Variants in SLC25A21 observed in about 807,000 individuals in gnomAD.
SLC25A21 encodes the protein solute carrier family 25 member 21.
A neutral mutation model predicts 43.8 loss-of-function variants in SLC25A21; 47 were observed. The ratio of observed to expected loss-of-function variants is 1.07; its 90% confidence interval spans 0.85 to 1.37. The LOEUF (loss-of-function observed/expected upper bound fraction) is 1.37, where lower values mean the gene tolerates loss of function less well. Ranked by LOEUF, SLC25A21 falls within the 40% of genes most tolerant of loss-of-function variation. The probability of loss-of-function intolerance (pLI) is 0.00; values close to 1 mark genes in which losing one functional copy is unlikely to be tolerated. For missense variants in SLC25A21, 352 were observed against 350.2 expected, an observed-to-expected ratio of 1.00 and a Z score of -0.04; for synonymous variants, 131 against 121.3, an observed-to-expected ratio of 1.08 and a Z score of -0.52.
chr14:37,051,147 T>C (rs1230019048), intron 1 of SLC25A21, among the ~76,000 whole-genome samples: 1 of 152,226 alleles, frequency 6.6e-6, no homozygotes, highest in Non-Finnish European at 1.5e-5. Context: ...TTGCCTATTG[T>C]TCACTGTTTT....
intron 6 of SLC25A21, among the ~76,000 whole-genome samples, chr14:36,714,779 A>G (rs1391590793): frequency 6.6e-6 from 1 of 152,238 alleles, no homozygotes; most frequent in East Asian, 1.9e-4. Context: ...CCTATTTGGC[A>G]GATAAGGAAA....
chr14:37,063,740 C>A (rs1962001005), intron 1 of SLC25A21, among the ~76,000 whole-genome samples: 1 of 152,094 alleles, frequency 6.6e-6, no homozygotes, highest in Admixed American at 6.5e-5. Flanking sequence ...AAAATCTCTC[C>A]CCAGAGAATT....
chr14:37,090,514 T>G (rs1962564607), intron 1 of SLC25A21, among the ~76,000 whole-genome samples: 1 of 152,196 alleles, frequency 6.6e-6, no homozygotes, highest in Non-Finnish European at 1.5e-5. Flanking sequence ...CAACGTGTTA[T>G]TTTTCACTAC....
intron 7 of SLC25A21, among the ~76,000 whole-genome samples, chr14:36,697,686 A>G (rs927840979): frequency 1.4e-5 from 2 of 147,390 alleles, no homozygotes; most frequent in Non-Finnish European, 1.5e-5. Context: ...GTCTCTTTTG[A>G]TCTTTGTTGG....
intron 1 of SLC25A21, chr14:37,171,899 G>A (rs1352885972): frequency 4.4e-6 from 1 of 228,312 alleles, no homozygotes; most frequent in Non-Finnish European, 8.5e-6. Flanking sequence ...CTTGAAGAAA[G>A]ACTCTACAAT....
At chr14:36,914,208 T>C (rs1363949228) in intron 1 of SLC25A21, among the ~76,000 whole-genome samples, 1 of 152,166 alleles carries the variant, frequency 6.6e-6, no homozygotes, top group East Asian at 1.9e-4. Context: ...CCCTTCTACC[T>C]AACTGGTTTT....
intron 2 of SLC25A21, among the ~76,000 whole-genome samples, chr14:36,825,894 C>T (rs1159901350): frequency 1.3e-5 from 2 of 152,192 alleles, no homozygotes; most frequent in Non-Finnish European, 2.9e-5. Context: ...CCCTCATTCT[C>T]ATGCAACGAA....
chr14:36,903,512 C>T (rs1229483476), intron 1 of SLC25A21, among the ~76,000 whole-genome samples: 3 of 144,622 alleles, frequency 2.1e-5, no homozygotes, highest in Non-Finnish European at 4.5e-5. Context: ...ACTCGGGAGG[C>T]TGAGGCAGGA....
chr14:36,964,744 T>A (rs1959574820), intron 1 of SLC25A21, among the ~76,000 whole-genome samples: 1 of 152,186 alleles, frequency 6.6e-6, no homozygotes, highest in Non-Finnish European at 1.5e-5. Flanking sequence ...CCAGTCCGTG[T>A]ACTCACCCAG....
At chr14:37,066,021 ATAATCT>A (rs1962053724) in intron 1 of SLC25A21, among the ~76,000 whole-genome samples, 2 of 152,312 alleles carry the variant, frequency 1.3e-5, no homozygotes, top group African/African-American at 2.4e-5. Flanking sequence ...GGATATTCGT[ATAATCT>A]TAAAGTGCGA....
At chr14:37,120,837 G>C (rs182230656) in intron 1 of SLC25A21, among the ~76,000 whole-genome samples, 13 of 152,218 alleles carry the variant, frequency 8.5e-5, no homozygotes, top group African/African-American at 3.1e-4. Flanking sequence ...TCAGTAAAAA[G>C]ACACATTCTG....
At chr14:37,103,135 G>C (rs1401327549) in intron 1 of SLC25A21, among the ~76,000 whole-genome samples, 1 of 152,166 alleles carries the variant, frequency 6.6e-6, no homozygotes, top group South Asian at 2.1e-4. Context: ...TGGAATGCAT[G>C]TTTAACGTGC....
chr14:37,037,920 T>A (rs1961363701), intron 1 of SLC25A21, among the ~76,000 whole-genome samples: 1 of 152,206 alleles, frequency 6.6e-6, no homozygotes, highest in South Asian at 2.1e-4. Flanking sequence ...AATGGTTCTG[T>A]ATGCTGCAGA....
intron 1 of SLC25A21, among the ~76,000 whole-genome samples, chr14:36,913,694 T>C (rs1038015075): frequency 6.6e-6 from 1 of 152,238 alleles, no homozygotes; most frequent in Non-Finnish European, 1.5e-5. Flanking sequence ...TGACAAATGA[T>C]ATGTTGTTAA....
At position 36,680,033 on chromosome 14, in the gene SLC25A21, A is replaced by G. The variant is rs553933901; in HGVS notation, c.*625T>C. The G allele has an allele frequency of 9.2e-6, 8 of 868,922 alleles. No homozygotes were observed. In the African/African-American group the frequency reaches 1.1e-4, roughly 12 times the overall value. The allele number at this position is 868,922 out of a possible 1,614,324, so 53.8% of individuals were successfully genotyped here. On this transcript the variant is annotated 3_prime_UTR_variant, in exon 10 of 10. Transcript: ENST00000331299. Reference sequence around the variant, plus strand: ...CTTACAGCAATATGAGATATAAAGTAGATGTAGGAAAATAGAGCTGATATG... The same window carrying G: ...CTTACAGCAATATGAGATATAAAGTGGATGTAGGAAAATAGAGCTGATATG...
intron 1 of SLC25A21, among the ~76,000 whole-genome samples, chr14:37,020,980 C>T (rs1960973429): frequency 6.6e-6 from 1 of 151,958 alleles, no homozygotes; most frequent in Non-Finnish European, 1.5e-5. Flanking sequence ...TAAAGGTATA[C>T]ATTTGTTAAG....
chr14:37,126,370 T>C (rs994748377), intron 1 of SLC25A21, among the ~76,000 whole-genome samples: 1 of 149,412 alleles, frequency 6.7e-6, no homozygotes, highest in Admixed American at 6.7e-5. Context: ...ATATACCTAA[T>C]TTTTTTTTTG....
At chr14:37,127,993 CAAGCA>C (rs1303979286) in intron 1 of SLC25A21, among the ~76,000 whole-genome samples, 1 of 152,136 alleles carries the variant, frequency 6.6e-6, no homozygotes, top group Non-Finnish European at 1.5e-5. Flanking sequence ...AAGAATTCAA[CAAGCA>C]AAAACTCATA....
chr14:36,738,316 T>G (rs1038003036), intron 3 of SLC25A21, among the ~76,000 whole-genome samples: 12 of 150,594 alleles, frequency 8.0e-5, no homozygotes, highest in Non-Finnish European at 1.8e-4. Context: ...AAGCAGATAC[T>G]TTTTTTTTTC....
Sources: allele counts gnomAD v4.1 joint callset (sites outside exome capture counted in the v4.1 genomes callset), GRCh38; gene constraint gnomAD v4.1.1; transcripts MANE v1.5; gene names NCBI Gene and HGNC (gene_info 2026-07-23, HGNC 2026-07-21).